Variants in KLF3 observed in about 807,000 individuals in gnomAD.
KLF3 encodes KLF transcription factor 3, also known as Krueppel-like factor 3.
Under a neutral mutation model 32.7 loss-of-function variants are expected in KLF3, and 6 were observed. The observed-to-expected ratio is 0.18, with a 90% CI of 0.10 to 0.36. The LOEUF (loss-of-function observed/expected upper bound fraction) is 0.36. Among genes scored for constraint, KLF3 ranks in the 10% least tolerant of loss-of-function variants. The probability of loss-of-function intolerance (pLI) is 1.00; values close to 1 mark genes in which losing one functional copy is unlikely to be tolerated. For synonymous variants in KLF3, 145 were observed against 172.8 expected, an observed-to-expected ratio of 0.84 and a Z score of 1.26; for missense variants, 338 against 449.7, an observed-to-expected ratio of 0.75 and a Z score of 2.25.
intron 1 of KLF3, among the ~76,000 whole-genome samples, chr4:38,672,761 T>C (rs1183280082): frequency 6.6e-6 from 1 of 151,420 alleles, no homozygotes; most frequent in Admixed American, 6.6e-5. Context: ...AAAACGTGGG[T>C]GGCAAGGGGT....
chr4:38,687,161 G>C (rs1191101379), intron 2 of KLF3, among the ~76,000 whole-genome samples: 1 of 152,174 alleles, frequency 6.6e-6, no homozygotes, highest in Non-Finnish European at 1.5e-5. Flanking sequence ...TAAACACATA[G>C]GGTTTTAGAG....
rs991916246 is a variant in KLF3, at chr4:38,700,331, CTA to C, written c.*3070_*3071del. 31 of 152,324 alleles carry C rather than the reference CTA, an allele frequency of 2.0e-4. No homozygotes were observed. Among genetic ancestry groups the C allele is most frequent in the African/African-American group, 6.7e-4 (28 of 41,572 alleles). The allele number at this position is 152,324 out of a possible 1,614,324, so 9.4% of individuals were successfully genotyped here. On this transcript the variant is annotated 3_prime_UTR_variant, in exon 6 of 6. Coordinates refer to ENST00000261438, the MANE Select transcript of KLF3 (RefSeq NM_016531.6). Reference sequence around the variant, plus strand: ...TTGCACTAATGTGGAATTTGAAAGACTATTTTGCTGATACTGTATATATGCGC... The same window carrying C: ...TTGCACTAATGTGGAATTTGAAAGACTTTTGCTGATACTGTATATATGCGC...
rs574727851 is a variant in KLF3 at position 38,699,750 on chromosome 4, G to A, written c.*2487G>A. 2 of 152,248 alleles carry A rather than the reference G, an allele frequency of 1.3e-5. No individual in the cohort carries two copies. Among genetic ancestry groups the A allele is most frequent in the Non-Finnish European group, 2.9e-5 (2 of 68,032 alleles). 9.4% of individuals were successfully genotyped at this position (152,248 alleles called of 1,614,324 possible). On this transcript the variant is annotated 3_prime_UTR_variant, in exon 6 of 6. Coordinates refer to ENST00000261438, the MANE Select transcript of KLF3 (RefSeq NM_016531.6). ...ACTCTGAACAAAAGCAACCCAGAGC[G>A]GCCATTCTCTATTCCCATGCTGGTC... is the stretch of plus-strand genomic sequence containing the variant.
chr4:38,689,674 A>G, intron 3 of KLF3, 55 bp from the exon 4 acceptor site: 1 of 1,364,508 alleles, frequency 7.3e-7, no homozygotes. Flanking sequence ...TAAGCTTTTA[A>G]AAGCTGAAAT....
At chr4:38,693,661 A>T (rs1382193433) in intron 4 of KLF3, among the ~76,000 whole-genome samples, 3 of 152,176 alleles carry the variant, frequency 2.0e-5, no homozygotes, top group African/African-American at 7.2e-5. Flanking sequence ...GGAGCTATAG[A>T]TTCAAATATG....
chr4:38,679,683 G>T (rs1055330311), intron 1 of KLF3, among the ~76,000 whole-genome samples: 6 of 152,128 alleles, frequency 3.9e-5, no homozygotes, highest in Non-Finnish European at 8.8e-5. Context: ...GTGGCACGGG[G>T]GATTTGATGG....
At chr4:38,693,778 A>G (rs939743878) in intron 4 of KLF3, among the ~76,000 whole-genome samples, 1 of 152,208 alleles carries the variant, frequency 6.6e-6, no homozygotes, top group Non-Finnish European at 1.5e-5. Flanking sequence ...GAACATTATA[A>G]TTACTTACAT....
At chr4:38,677,878 A>T (rs374765644) in intron 1 of KLF3, among the ~76,000 whole-genome samples, 2 of 146,212 alleles carry the variant, frequency 1.4e-5, no homozygotes, top group African/African-American at 2.5e-5. Flanking sequence ...GGGCAAAAGG[A>T]GTGTGTGTGT....
In KLF3 at chr4:38,664,323, G is replaced by C. The variant is rs1721914706; in HGVS notation, c.-178G>C. The C allele has an allele frequency of 6.6e-6, 1 of 151,948 alleles. No homozygotes were observed. The highest frequency in any genetic ancestry group is 1.5e-5 in the Non-Finnish European group (1 of 68,048). The allele number at this position is 151,948 out of a possible 1,614,324, so 9.4% of individuals were successfully genotyped here. A position where few individuals can be genotyped will look rare whatever the true frequency, so the allele number is the denominator to read the frequency against. ...AGCGCAGCGAGAGCGCCCGCCGCAC[G>C]CGCGCCCGTCCCCGTCCCCTGCGGC... On this transcript the variant is annotated 5_prime_UTR_variant, in exon 1 of 6. Coordinates refer to ENST00000261438, the MANE Select transcript of KLF3 (RefSeq NM_016531.6).
At chr4:38,686,459 A>AAG (rs1553894166) in intron 2 of KLF3, among the ~76,000 whole-genome samples, 1 of 147,410 alleles carries the variant, frequency 6.8e-6, no homozygotes, top group Non-Finnish European at 1.5e-5. Flanking sequence ...AAAAAAAAAA[A>AAG]AAAAGAAAAG....
In KLF3 at chr4:38,671,385, A is replaced by G. The variant is rs553309580; in HGVS notation, c.-40+6924A>G. Among the ~76,000 whole-genome samples, 1 of 152,160 alleles carries G rather than the reference A, an allele frequency of 6.6e-6. No homozygotes were observed. Among genetic ancestry groups the G allele is most frequent in the Non-Finnish European group, 1.5e-5 (1 of 68,026 alleles). On this transcript the variant is annotated intron_variant, in intron 1 of 5. Transcript: ENST00000261438. The surrounding 1 kb of genome is among the most constrained non-coding windows in gnomAD (Gnocchi z 4.4). ...CACTGGCTAGGAAGAATAATTGCCT[A>G]ATTTGGGGCCTTCAGAATGTGTCTT...
chr4:38,677,035 A>G (rs1396770050), intron 1 of KLF3, among the ~76,000 whole-genome samples: 3 of 142,312 alleles, frequency 2.1e-5, no homozygotes, highest in African/African-American at 8.0e-5. Flanking sequence ...ATTTGGGCTC[A>G]CTGCAACCTC....
intron 2 of KLF3, among the ~76,000 whole-genome samples, chr4:38,686,648 A>T (rs953978343): frequency 1.3e-5 from 2 of 151,936 alleles, no homozygotes; most frequent in Non-Finnish European, 2.9e-5. Context: ...AGTTTGAGAA[A>T]CTCTGGTTGG....
At chr4:38,676,376 G>A (rs1469107751) in intron 1 of KLF3, among the ~76,000 whole-genome samples, 1 of 152,186 alleles carries the variant, frequency 6.6e-6, no homozygotes, top group African/African-American at 2.4e-5. Context: ...AGGAGGCAGA[G>A]GTTGCAGTGA....
At chr4:38,670,999 A>G (rs1174412183) in intron 1 of KLF3, among the ~76,000 whole-genome samples, 1 of 151,698 alleles carries the variant, frequency 6.6e-6, no homozygotes, top group East Asian at 1.9e-4. Context: ...GCCTGCTGGA[A>G]CCTCCCCCTG....
Position 38,700,168 on chromosome 4 carries a change from G to C in KLF3, c.*2905G>C, listed in dbSNP as rs1007639238. ...AACATTCTAAATTGCTTGGTTTGGA[G>C]AATGTGTTAGCAGCATAGCTATATT... On this transcript the variant is annotated 3_prime_UTR_variant, in exon 6 of 6. Transcript: ENST00000261438. 6.6e-6 allele frequency: 1 copy of C among 152,186 alleles called. No individual in the cohort carries two copies. The highest frequency in any genetic ancestry group is 1.5e-5 in the Non-Finnish European group (1 of 68,034). 9.4% of individuals were successfully genotyped at this position (152,186 alleles called of 1,614,324 possible).
intron 1 of KLF3, among the ~76,000 whole-genome samples, chr4:38,675,371 A>G (rs1461602534): frequency 6.9e-6 from 1 of 144,828 alleles, no homozygotes; most frequent in Admixed American, 7.1e-5. Context: ...AGAATTTTTC[A>G]TAAAAACAAT....
In KLF3 at chr4:38,680,880, G is replaced by A. The variant is rs902928945; in HGVS notation, c.57+198G>A. The A allele has an allele frequency of 1.3e-4, 58 of 430,732 alleles. 1 individual carries two copies. In the Admixed American group the frequency reaches 1.5e-3, roughly 11 times the overall value. 26.7% of individuals were successfully genotyped at this position (430,732 alleles called of 1,614,324 possible). ...AGCCTGACCAACATGAAGAAACCCC[G>A]TCTCTACTAAAAATACCAAATTAGC... On this transcript the variant is annotated intron_variant, in intron 2 of 5. Coordinates refer to ENST00000261438, the MANE Select transcript of KLF3 (RefSeq NM_016531.6).
Position 38,698,831 on chromosome 4 carries a change from G to T in KLF3, c.*1568G>T, listed in dbSNP as rs1057154325. The T allele has an allele frequency of 3.3e-5, 5 of 152,172 alleles. No homozygotes were observed. The highest frequency in any genetic ancestry group is 1.2e-4 in the African/African-American group (5 of 41,426). 9.4% of individuals were successfully genotyped at this position (152,172 alleles called of 1,614,324 possible). On this transcript the variant is annotated 3_prime_UTR_variant, in exon 6 of 6. Transcript: ENST00000261438. ...AGTGAGCAACAGTAGTTAAATGTGG[G>T]TGCATATAACCAAATTCCCCTTCAT...
Sources: allele counts gnomAD v4.1 joint callset (sites outside exome capture counted in the v4.1 genomes callset), GRCh38; gene constraint gnomAD v4.1.1; non-coding constraint Gnocchi (gnomAD v3.1); transcripts MANE v1.5; gene names NCBI Gene and HGNC (gene_info 2026-07-23, HGNC 2026-07-21).